The following SUSD4 variants were observed in gnomAD, a reference collection of about 807,000 sequenced individuals.
SUSD4 encodes sushi domain-containing protein 4.
SUSD4 carries 41 observed loss-of-function variants against 50.5 expected under a neutral mutation model. The observed-to-expected ratio is 0.81, with a 90% CI of 0.63 to 1.05. The LOEUF (loss-of-function observed/expected upper bound fraction) is 1.05, where lower values mean the gene tolerates loss of function less well. Ranked by LOEUF, SUSD4 falls within the 50% of genes least tolerant of loss-of-function variation. The pLI is 0.00. For missense variants in SUSD4, 580 were observed against 634.7 expected (o/e 0.91, Z 0.93); for synonymous variants, 257 against 257.3 (o/e 1.00, Z 0.01).
intron 5 of SUSD4, among the ~76,000 whole-genome samples, chr1:223,232,134 C>T (rs1350591557): frequency 6.6e-6 from 1 of 152,004 alleles, no homozygotes; most frequent in Non-Finnish European, 1.5e-5. Flanking sequence ...TACATAAAAC[C>T]AGGGAGCAGA....
chr1:223,364,195 C>T (rs1365398943), upstream of SUSD4: 1 of 151,446 alleles, frequency 6.6e-6, no homozygotes, highest in Non-Finnish European at 1.5e-5. This position sits in a 1 kb window ranked among gnomAD's most constrained non-coding sequence, Gnocchi z 4.5. Context: ...CGCTCGGCTC[C>T]AGCTCCCCCG....
chr1:223,341,799 C>T (rs772585327), intron 2 of SUSD4, among the ~76,000 whole-genome samples: 8 of 152,032 alleles, frequency 5.3e-5, no homozygotes, highest in South Asian at 2.1e-4. Flanking sequence ...TGGAAAGAGG[C>T]GGACTTTGTG....
chr1:223,256,789 C>T (rs1297264946), intron 5 of SUSD4, among the ~76,000 whole-genome samples: 1 of 152,134 alleles, frequency 6.6e-6, no homozygotes, highest in Non-Finnish European at 1.5e-5. Flanking sequence ...GATTAGAACC[C>T]AGATCAAAAT....
chr1:223,363,771 T>C (rs1012238918), intron 1 of SUSD4: 6 of 231,870 alleles, frequency 2.6e-5, no homozygotes, highest in Non-Finnish European at 4.2e-5. Context: ...CACAGGAAAG[T>C]CTAGAGCCTC....
rs1261955273 is a variant in SUSD4 at position 223,332,986 on chromosome 1, A to G, written c.148+30292T>C. 6.6e-6 allele frequency among the ~76,000 whole-genome samples: 1 copy of G among 152,284 alleles called. No individual in the cohort carries two copies. The highest frequency in any genetic ancestry group is 2.1e-4 in the South Asian group (1 of 4,822). ...TGCACACCACACCCTCCTCTCCCACACAGTTGTCCTGGGGAAATCATGTCA... is the reference window on the plus strand; with the variant it reads ...TGCACACCACACCCTCCTCTCCCACGCAGTTGTCCTGGGGAAATCATGTCA... On this transcript the variant is annotated intron_variant, in intron 2 of 8. Transcript: ENST00000366878. The surrounding 1 kb of genome is among the most constrained non-coding windows in gnomAD (Gnocchi z 4.0).
At chr1:223,311,534 A>G (rs556015042) in intron 2 of SUSD4, among the ~76,000 whole-genome samples, 1 of 152,258 alleles carries the variant, frequency 6.6e-6, no homozygotes, top group African/African-American at 2.4e-5. Context: ...TTTCTATCCT[A>G]ATTTACGGTT....
At chr1:223,239,772 ATTGTT>A (rs4030558) in intron 5 of SUSD4, among the ~76,000 whole-genome samples, 3,504 of 151,962 alleles carry the variant, frequency 0.023, 140 homozygotes, top group African/African-American at 0.08. Flanking sequence ...GTACATTACT[ATTGTT>A]TTGATATTAT....
chr1:223,335,145 C>T (rs1395979909), intron 2 of SUSD4, among the ~76,000 whole-genome samples: 3 of 152,104 alleles, frequency 2.0e-5, no homozygotes, highest in Non-Finnish European at 4.4e-5. Flanking sequence ...GGGTTGGTTC[C>T]ACATTTTTGC....
chr1:223,314,408 G>A (rs1206647855), intron 2 of SUSD4, among the ~76,000 whole-genome samples: 3 of 152,146 alleles, frequency 2.0e-5, no homozygotes, highest in African/African-American at 7.2e-5. Flanking sequence ...AAGACTCAGG[G>A]TAGGATGCTC....
At chr1:223,254,562 C>T (rs1044048471) in intron 5 of SUSD4, among the ~76,000 whole-genome samples, 6 of 151,594 alleles carry the variant, frequency 4.0e-5, no homozygotes, top group African/African-American at 9.7e-5. Flanking sequence ...AATCAGAAAA[C>T]GCAAGAGAAA....
chr1:223,333,663 G>A lies in SUSD4; in HGVS notation c.148+29615C>T, dbSNP rs140734090. ...GTTAAGTAGGGGGCACCCTTGCAGA[G>A]CCATGGAGTCCCAGAAACGCTGGGG... is the stretch of plus-strand genomic sequence containing the variant. On this transcript the variant is annotated intron_variant, in intron 2 of 8. Coordinates refer to ENST00000366878, the MANE Select transcript of SUSD4 (RefSeq NM_017982.4). Among the ~76,000 whole-genome samples the A allele has an allele frequency of 2.7e-3, 410 of 152,308 alleles. 3 individuals are homozygous for A. The highest frequency in any genetic ancestry group is 9.5e-3 in the African/African-American group (395 of 41,558).
intron 3 of SUSD4, among the ~76,000 whole-genome samples, chr1:223,289,534 T>C (rs1664351216): frequency 6.6e-6 from 1 of 152,146 alleles, no homozygotes; most frequent in African/African-American, 2.4e-5. Flanking sequence ...CACTTTACTG[T>C]CATAAAGCAT....
Position 223,234,863 on chromosome 1 carries a change from C to T in SUSD4, c.725-5475G>A. The T allele has an allele frequency of 4.1e-6, 6 of 1,455,348 alleles. No homozygotes were observed. The South Asian group carries it at 6.6e-5, about 16-fold the overall frequency. 90.2% of individuals were successfully genotyped at this position (1,455,348 alleles called of 1,614,324 possible). A position where few individuals can be genotyped will look rare whatever the true frequency, so the allele number is the denominator to read the frequency against. On this transcript the variant is annotated intron_variant, in intron 5 of 8. Coordinates refer to ENST00000366878, the MANE Select transcript of SUSD4 (RefSeq NM_017982.4). ...GCCAGTTGGTTCTTCCCTTGATGCA[C>T]TAACAGGTGTGCAGATCATGGTGAA...
At chr1:223,226,334 C>G (rs984249587) in intron 7 of SUSD4, among the ~76,000 whole-genome samples, 1 of 152,240 alleles carries the variant, frequency 6.6e-6, no homozygotes, top group African/African-American at 2.4e-5. Context: ...CAGGATGGCA[C>G]TGACACACCT....
intron 5 of SUSD4, among the ~76,000 whole-genome samples, chr1:223,257,178 A>G (rs1661752160): frequency 6.6e-6 from 1 of 152,128 alleles, no homozygotes; most frequent in South Asian, 2.1e-4. Flanking sequence ...CAGGAGGAAG[A>G]AATTTGAAAT....
Position 223,243,927 on chromosome 1 carries a change from C to T in SUSD4, c.725-14539G>A, listed in dbSNP as rs951762141. ...AATAAGAGCCTCTTTATTCTGTTAC[C>T]TAAGTATAGTAATTATGTTCTTTCA... On this transcript the variant is annotated intron_variant, in intron 5 of 8. Transcript: ENST00000366878. Among the ~76,000 whole-genome samples the T allele has an allele frequency of 7.9e-5, 12 of 152,296 alleles. 1 individual carries two copies. The South Asian group carries it at 1.2e-3, about 16-fold the overall frequency.
At chr1:223,359,250 A>C (rs982391225) in intron 2 of SUSD4, 2 of 415,528 alleles carry the variant, frequency 4.8e-6, no homozygotes, top group South Asian at 1.8e-5. Flanking sequence ...TAGGACTTTT[A>C]CAATAAGGTT....
chr1:223,334,565 G>A (rs1478890523), intron 2 of SUSD4, among the ~76,000 whole-genome samples: 1 of 152,158 alleles, frequency 6.6e-6, no homozygotes, highest in Non-Finnish European at 1.5e-5. Flanking sequence ...AAGATAAAGA[G>A]AAAATCTGGG....
At chr1:223,253,894 C>A (rs1270067278) in intron 5 of SUSD4, among the ~76,000 whole-genome samples, 1 of 152,216 alleles carries the variant, frequency 6.6e-6, no homozygotes, top group Non-Finnish European at 1.5e-5. Flanking sequence ...CTGGTCACAG[C>A]TTTGCTGTTG....
Sources: allele counts gnomAD v4.1 joint callset (sites outside exome capture counted in the v4.1 genomes callset), GRCh38; gene constraint gnomAD v4.1.1; non-coding constraint Gnocchi (gnomAD v3.1); transcripts MANE v1.5; gene names NCBI Gene and HGNC (gene_info 2026-07-23, HGNC 2026-07-21).